ADAMTS10: variants seen among roughly 807,000 people sequenced by gnomAD.
ADAMTS10 encodes the protein ADAM metallopeptidase with thrombospondin type 1 motif 10.
In ADAMTS10, 48 loss-of-function variants were observed where a neutral mutation model predicts 135.9. The observed-to-expected ratio is 0.35, with a 90% CI of 0.28 to 0.45. The LOEUF is 0.45. Ranked by LOEUF, ADAMTS10 falls within the 20% of genes least tolerant of loss-of-function variation. ADAMTS10 has a pLI of 1.00. For missense variants in ADAMTS10, 1,131 were observed against 1,565.2 expected (o/e 0.72, Z 4.68); for synonymous variants, 621 against 647.5 (o/e 0.96, Z 0.62).
intron 5 of ADAMTS10, among the ~76,000 whole-genome samples, chr19:8,602,412 G>A (rs566721459): frequency 5.3e-5 from 8 of 152,014 alleles, no homozygotes; most frequent in East Asian, 3.9e-4. Flanking sequence ...TCTACCTCCC[G>A]GGTTCAGGCG....
At chr19:8,586,291 C>T in intron 21 of ADAMTS10, 40 bp from the exon 22 acceptor site, 1 of 1,613,306 alleles carries the variant, frequency 6.2e-7, no homozygotes, top group South Asian at 1.1e-5. Flanking sequence ...CCCCTCCCGG[C>T]CCAGAGAACC....
intron 18 of ADAMTS10, among the ~76,000 whole-genome samples, chr19:8,588,017 G>A (rs1250983982): frequency 6.6e-6 from 1 of 151,616 alleles, no homozygotes; most frequent in Non-Finnish European, 1.5e-5. Flanking sequence ...GGGAGGCTTA[G>A]GTGGGTGGAT....
chr19:8,605,278 A>G lies in ADAMTS10; in HGVS notation c.169T>C (p.Ser57Pro). The part of the protein sequence containing the change: ...VDHNGALLAF[S>P]PPPPRRQRRG... ...CGCTGCCTCCGGGGAGGAGGTGGCGAGAAGGCCAGCAGTGCCCCGTTGTGG... is the reference window on the plus strand; with the variant it reads ...CGCTGCCTCCGGGGAGGAGGTGGCGGGAAGGCCAGCAGTGCCCCGTTGTGG... The change falls in exon 4 of 26, where the codon TCG becomes CCG. Residue 57 changes from serine to proline, a missense_variant. Physicochemically the swap from Ser to Pro is moderately conservative, Grantham distance 74. This residue lies in a region of ADAMTS10 where 306 missense variants were observed against 344.4 expected (regional missense o/e 0.89). Coordinates refer to ENST00000597188, the MANE Select transcript of ADAMTS10 (RefSeq NM_030957.4). This position sits in a 1 kb window ranked among gnomAD's most constrained non-coding sequence, Gnocchi z 7.7. 6.2e-7 allele frequency: 1 copy of G among 1,612,392 alleles called. No homozygotes were observed. Among genetic ancestry groups the G allele is most frequent in the Non-Finnish European group, 8.5e-7 (1 of 1,179,454 alleles).
intron 25 of ADAMTS10, among the ~76,000 whole-genome samples, chr19:8,583,023 A>G (rs978468980): frequency 2.0e-5 from 3 of 152,076 alleles, no homozygotes; most frequent in African/African-American, 7.2e-5. Flanking sequence ...GGCTCAGGCA[A>G]TCTTTCCAGT....
intron 17 of ADAMTS10, 36 bp from the exon 18 acceptor site, chr19:8,589,401 A>ACCCCCCCCCCCCCCCCCACCCCCCCCC: frequency 6.3e-7 from 1 of 1,599,452 alleles, no homozygotes; most frequent in Non-Finnish European, 8.5e-7. Context: ...CGACCCCCTA[A>ACCCCCCCCCCCCCCCCCACCCCCCCCC]CCCACCCCCG....
chr19:8,592,351 T>A (rs1377709739), intron 13 of ADAMTS10: 11 of 726,166 alleles, frequency 1.5e-5, no homozygotes, highest in Non-Finnish European at 2.4e-5. Flanking sequence ...AGGACCACGA[T>A]AAGCGTGGAG....
In ADAMTS10 at chr19:8,597,083, C is replaced by G. The variant is rs1555740433; in HGVS notation, c.944G>C (p.Cys315Ser). 6.2e-7 allele frequency: 1 copy of G among 1,614,080 alleles called. No individual in the cohort carries two copies. The change falls in exon 8 of 26, where the codon TGT (cysteine) becomes TCT (serine). Residue 315 changes from cysteine (C) to serine (S), a missense_variant. Cys to Ser is a moderately radical substitution (Grantham distance 112). This residue lies in a region of ADAMTS10 where 80 missense variants were observed against 164.4 expected (regional missense o/e 0.49). Transcript: ENST00000597188. Reference protein sequence around the residue: ...HHAGKSLDSFCKWQKSIVNHS... With the variant: ...HHAGKSLDSFSKWQKSIVNHS... Reference sequence around the variant, plus strand: ...GTTCACGATGGATTTCTGCCACTTACAGAAGCTGTCCAGGGACTTCCCGGC... The same window carrying G: ...GTTCACGATGGATTTCTGCCACTTAGAGAAGCTGTCCAGGGACTTCCCGGC...
intron 17 of ADAMTS10, 41 bp from the exon 18 acceptor site, chr19:8,589,406 C>T: frequency 1.2e-6 from 2 of 1,610,390 alleles, no homozygotes; most frequent in Non-Finnish European, 1.7e-6. Flanking sequence ...CCCTAACCCA[C>T]CCCCGCTCCC....
At chr19:8,597,541 T>C (rs1033087670) in intron 6 of ADAMTS10, among the ~76,000 whole-genome samples, 1 of 152,086 alleles carries the variant, frequency 6.6e-6, no homozygotes, top group Non-Finnish European at 1.5e-5. Context: ...GTGATCCTCC[T>C]GCCTGGCCTC....
intron 12 of ADAMTS10, among the ~76,000 whole-genome samples, chr19:8,594,206 C>G (rs2042577480): frequency 6.6e-6 from 1 of 152,176 alleles, no homozygotes; most frequent in Non-Finnish European, 1.5e-5. Flanking sequence ...GCAGAGACCT[C>G]AATTCTGCTA....
Position 8,586,678 on chromosome 19 carries a change from A to T in ADAMTS10, c.2283T>A (p.Pro761=), listed in dbSNP as rs4476282. Residue 761 remains proline (P), a synonymous_variant, in exon 20 of 26, where the codon CCT becomes CCA. Transcript: ENST00000597188. ...GCAGACGGTGGGGCTGGGGGGTCCC[A>T]GGCAGCCCCTCCAGCAGCAGGGACT... is the stretch of plus-strand genomic sequence containing the variant. ...DQESLLLEGL[P]GTPQPHRLPL... is the part of the protein sequence containing the mutation. 4.3e-6 allele frequency: 7 copies of T among 1,613,712 alleles called. No homozygotes were observed. The highest frequency in any genetic ancestry group is 5.9e-6 in the Non-Finnish European group (7 of 1,179,956).
chr19:8,582,116 T>C lies in ADAMTS10; in HGVS notation c.3203-1114A>G, dbSNP rs144600523. ...CTTTCCTTTCCATTGTTCCTTTTCATAGCACCCAGGAAAAAATGTCCATTT... is the reference window on the plus strand; with the variant it reads ...CTTTCCTTTCCATTGTTCCTTTTCACAGCACCCAGGAAAAAATGTCCATTT... On this transcript the variant is annotated intron_variant, in intron 25 of 25. Transcript: ENST00000597188. 9.2e-5 allele frequency among the ~76,000 whole-genome samples: 14 copies of C among 152,282 alleles called. No homozygotes were observed. The East Asian group carries it at 2.7e-3, about 29-fold the overall frequency.
chr19:8,600,902 G>A lies in ADAMTS10; in HGVS notation c.810+26C>T, dbSNP rs144953929. 267 of 1,613,476 alleles carry A rather than the reference G, an allele frequency of 1.7e-4. 1 individual carries two copies. In the African/African-American group the frequency reaches 1.9e-3, roughly 12 times the overall value. On this transcript the variant is annotated intron_variant, in intron 6 of 25. Transcript: ENST00000597188. ...GCTGGCTCCAAGTCCTCAGGGCTGC[G>A]TGCCCAGGGAGGGGAAGGCACTTAC...
In ADAMTS10 at chr19:8,605,405, A is replaced by T; in HGVS notation, c.89-47T>A. 6.5e-7 allele frequency: 1 copy of T among 1,535,596 alleles called. No homozygotes were observed. Among genetic ancestry groups the T allele is most frequent in the Non-Finnish European group, 8.8e-7 (1 of 1,131,980 alleles). On this transcript the variant is annotated intron_variant, in intron 3 of 25. Coordinates refer to ENST00000597188, the MANE Select transcript of ADAMTS10 (RefSeq NM_030957.4). The surrounding 1 kb of genome is among the most constrained non-coding windows in gnomAD (Gnocchi z 7.7). ...CTGGGGTGGGCCCTGGTCTTATTGG[A>T]CCCCTGTGTCCTGGCTGTTAGGCTG...
chr19:8,597,391 A>C, intron 6 of ADAMTS10, 74 bp from the exon 7 acceptor site: 3 of 1,360,646 alleles, frequency 2.2e-6, no homozygotes, highest in Non-Finnish European at 3.1e-6. Context: ...AAAAACAATG[A>C]TAACAGCTTG....
intron 17 of ADAMTS10, 36 bp from the exon 18 acceptor site, chr19:8,589,401 A>AACCCCCC: frequency 6.3e-7 from 1 of 1,599,454 alleles, no homozygotes; most frequent in Non-Finnish European, 8.5e-7. Context: ...CGACCCCCTA[A>AACCCCCC]CCCACCCCCG....
Position 8,596,529 on chromosome 19 carries a change from G to A in ADAMTS10, c.1084+13C>T, listed in dbSNP as rs975239009. On this transcript the variant is annotated intron_variant, in intron 9 of 25. Transcript: ENST00000597188. This position sits in a 1 kb window ranked among gnomAD's most constrained non-coding sequence, Gnocchi z 7.2. Reference sequence around the variant, plus strand: ...GCCTTCATAGGCGCCTGAAACCTACGGGGCTCGGGTACCTAGTGTGCCGCA... The same window carrying A: ...GCCTTCATAGGCGCCTGAAACCTACAGGGCTCGGGTACCTAGTGTGCCGCA... 19 of 1,613,870 alleles carry A rather than the reference G, an allele frequency of 1.2e-5. No individual in the cohort carries two copies. The highest frequency in any genetic ancestry group is 8.9e-5 in the East Asian group (4 of 44,878).
chr19:8,590,409 G>A (rs1027640805), intron 15 of ADAMTS10, among the ~76,000 whole-genome samples: 3 of 152,086 alleles, frequency 2.0e-5, no homozygotes, highest in Non-Finnish European at 4.4e-5. Flanking sequence ...GAGTAGCTGG[G>A]ATTACAGGTG....
chr19:8,592,249 A>G (rs2042544329), intron 13 of ADAMTS10, 146 bp from the exon 14 acceptor site: 5 of 1,459,616 alleles, frequency 3.4e-6, no homozygotes, highest in Non-Finnish European at 4.6e-6. Flanking sequence ...GAACAGAGTC[A>G]GGTTACGTAG....
Sources: gnomAD v4.1 joint callset for allele counts (sites outside exome capture counted in the v4.1 genomes callset) on GRCh38, gnomAD v4.1.1 for gene constraint, gnomAD v4.1.1 regional missense constraint, Gnocchi (gnomAD v3.1) non-coding constraint, MANE v1.5 for transcripts, NCBI Gene and HGNC (gene_info 2026-07-23, HGNC 2026-07-21) for gene names.